The following CHRM2 variants were observed in gnomAD, a reference collection of about 807,000 sequenced individuals.
The protein encoded by CHRM2 is muscarinic acetylcholine receptor M2.
In CHRM2, 8 loss-of-function variants were observed where a neutral mutation model predicts 25.0. The observed-to-expected ratio is 0.32, with a 90% CI of 0.19 to 0.58. The LOEUF is 0.58. CHRM2 is among the 20% of genes least tolerant of loss of function. CHRM2 has a pLI of 0.88. For synonymous variants in CHRM2, 202 were observed against 205.7 expected (o/e 0.98, Z 0.15); for missense variants, 440 against 567.1 (o/e 0.78, Z 2.28).
intron 2 of CHRM2, among the ~76,000 whole-genome samples, chr7:136,895,773 A>C (rs1232854425): frequency 6.6e-6 from 1 of 152,180 alleles, no homozygotes; most frequent in African/African-American, 2.4e-5. Flanking sequence ...CATAGAAAAT[A>C]AGGATTTGAT....
intron 2 of CHRM2, chr7:136,938,173 C>G (rs762223406): frequency 2.1e-5 from 15 of 717,008 alleles, no homozygotes; most frequent in Non-Finnish European, 3.6e-5. Context: ...TCTGCCCACT[C>G]TTCTGGAAGA....
chr7:136,925,240 TATC>T lies in CHRM2; in HGVS notation c.-125+55825_-125+55827del, dbSNP rs548936653. On this transcript the variant is annotated intron_variant, in intron 2 of 3. Coordinates refer to ENST00000680005, the MANE Select transcript of CHRM2 (RefSeq NM_001006630.2). ...ATGAAGGCTATGTTTATGTTGGCCT[TATC>T]ATAGCTATCCAACCGGATGCCAGAT... Among the ~76,000 whole-genome samples, 26 of 152,244 alleles carry T rather than the reference TATC, an allele frequency of 1.7e-4. No homozygotes were observed. The South Asian group carries it at 5.0e-3, about 29-fold the overall frequency.
chr7:136,903,913 T>C (rs139771639), intron 2 of CHRM2, among the ~76,000 whole-genome samples: 1,560 of 151,918 alleles, frequency 0.01, 10 homozygotes, highest in Non-Finnish European at 0.015. Context: ...AATTATCATA[T>C]ATATATATTT....
chr7:137,000,788 T>G (rs1803982739), intron 3 of CHRM2, among the ~76,000 whole-genome samples: 1 of 151,982 alleles, frequency 6.6e-6, no homozygotes, highest in African/African-American at 2.4e-5. Context: ...CAAAAACACC[T>G]GTCACGATTT....
chr7:137,010,346 T>C (rs1337548152), intron 3 of CHRM2, among the ~76,000 whole-genome samples: 2 of 152,096 alleles, frequency 1.3e-5, no homozygotes, highest in East Asian at 3.9e-4. Flanking sequence ...AGTCATAAAC[T>C]AGGCAGTAAA....
intron 2 of CHRM2, among the ~76,000 whole-genome samples, chr7:136,976,589 T>C (rs1306985042): frequency 6.6e-6 from 1 of 152,042 alleles, no homozygotes; most frequent in Non-Finnish European, 1.5e-5. Context: ...CTGCATTGAG[T>C]TTGTTATTTG....
intron 3 of CHRM2, among the ~76,000 whole-genome samples, chr7:137,005,670 GA>G (rs1231365740): frequency 6.6e-6 from 1 of 151,996 alleles, no homozygotes; most frequent in African/African-American, 2.4e-5. Flanking sequence ...ATAGACCATT[GA>G]AAAGGATCCC....
chr7:136,874,400 C>T (rs1159151037), intron 2 of CHRM2, among the ~76,000 whole-genome samples: 1 of 151,698 alleles, frequency 6.6e-6, no homozygotes, highest in Non-Finnish European at 1.5e-5. Flanking sequence ...TATACTATGA[C>T]CTAAATATAC....
At chr7:136,900,250 T>G (rs1797123576) in intron 2 of CHRM2, among the ~76,000 whole-genome samples, 1 of 152,096 alleles carries the variant, frequency 6.6e-6, no homozygotes, top group Admixed American at 6.6e-5. Flanking sequence ...CTGAAGATAC[T>G]AGTGAAAGGA....
chr7:136,895,530 A>T (rs540289670), intron 2 of CHRM2, among the ~76,000 whole-genome samples: 1 of 152,160 alleles, frequency 6.6e-6, no homozygotes, highest in Non-Finnish European at 1.5e-5. Context: ...TGCTGTTTCT[A>T]TGACTCAGTT....
chr7:136,916,517 C>T (rs1050542709), intron 2 of CHRM2, among the ~76,000 whole-genome samples: 2 of 151,430 alleles, frequency 1.3e-5, no homozygotes, highest in Non-Finnish European at 3.0e-5. Context: ...TGTTTCTGTT[C>T]TCGCAAGATT....
Position 137,014,633 on chromosome 7 carries a change from G to C in CHRM2, c.-46-187G>C, listed in dbSNP as rs17168888. Among the ~76,000 whole-genome samples the C allele has an allele frequency of 0.028, 4,324 of 151,954 alleles. 112 individuals are homozygous for C. Among genetic ancestry groups the C allele is most frequent in the Non-Finnish European group, 0.038 (2,601 of 67,900 alleles). ...TTCAAGTTCATTGCCAGCCTGAAAG[G>C]TCCTTTTGAATCCTCCATTTGAAGG... On this transcript the variant is annotated intron_variant, in intron 3 of 3. Transcript: ENST00000680005.
chr7:137,014,971 G>T lies in CHRM2; in HGVS notation c.106G>T (p.Val36Leu), dbSNP rs758540579. The T allele has an allele frequency of 3.1e-6, 5 of 1,613,130 alleles. No homozygotes were observed. The highest frequency in any genetic ancestry group is 4.2e-6 in the Non-Finnish European group (5 of 1,179,546). The stretch of plus-strand genomic sequence containing the variant: ...CCTGGTGGCTGGATCCCTCAGTTTG[G>T]TGACCATTATCGGGAACATCCTAGT... ...IVLVAGSLSL[V>L]TIIGNILVMV... is the part of the protein sequence containing the mutation. The change falls in exon 4 of 4, where the codon GTG becomes TTG. Residue 36 changes from valine to leucine, a missense_variant. By Grantham distance (32) the Val-to-Leu change is conservative. Coordinates refer to ENST00000680005, the MANE Select transcript of CHRM2 (RefSeq NM_001006630.2).
chr7:136,990,219 T>C (rs34908748), intron 2 of CHRM2, among the ~76,000 whole-genome samples: 12,490 of 152,208 alleles, frequency 0.082, 788 homozygotes, highest in Non-Finnish European at 0.11. Context: ...ATTGAACACA[T>C]CATTATCACC....
In CHRM2 at chr7:136,909,230, T is replaced by A. The variant is rs1293294727; in HGVS notation, c.-125+39812T>A. 2.0e-5 allele frequency among the ~76,000 whole-genome samples: 3 copies of A among 151,960 alleles called. No individual in the cohort carries two copies. The East Asian group carries it at 5.8e-4, about 29-fold the overall frequency. ...GGATATTTGTGAGAAATATTTGTGA[T>A]AAACAAAAAGGAGAAGATAATACAT... On this transcript the variant is annotated intron_variant, in intron 2 of 3. Coordinates refer to ENST00000680005, the MANE Select transcript of CHRM2 (RefSeq NM_001006630.2).
At chr7:136,976,852 T>C (rs1802138126) in intron 2 of CHRM2, among the ~76,000 whole-genome samples, 1 of 152,160 alleles carries the variant, frequency 6.6e-6, no homozygotes, top group Non-Finnish European at 1.5e-5. Context: ...CATGGAACAA[T>C]GTCCCCGGTG....
chr7:136,998,539 G>C (rs1803762423), intron 3 of CHRM2, among the ~76,000 whole-genome samples: 1 of 152,178 alleles, frequency 6.6e-6, no homozygotes, highest in Non-Finnish European at 1.5e-5. Flanking sequence ...GACTCTTTTA[G>C]AGATGAAAGA....
At chr7:136,949,057 A>G (rs1260571296) in intron 2 of CHRM2, among the ~76,000 whole-genome samples, 1 of 152,192 alleles carries the variant, frequency 6.6e-6, no homozygotes, top group African/African-American at 2.4e-5. Flanking sequence ...CCAAATATGT[A>G]TCTGTGCTAG....
At position 136,873,837 on chromosome 7, in the gene CHRM2, G is replaced by A. The variant is rs188218665; in HGVS notation, c.-125+4419G>A. On this transcript the variant is annotated intron_variant, in intron 2 of 3. Coordinates refer to ENST00000680005, the MANE Select transcript of CHRM2 (RefSeq NM_001006630.2). ...AAACCTTAAGCAAAGAAGAGGCAGT[G>A]CTGAGTAGGCTCTTAGTTGGCACGT... 2.6e-3 allele frequency among the ~76,000 whole-genome samples: 402 copies of A among 152,344 alleles called. 2 individuals carry two copies. The highest frequency in any genetic ancestry group is 9.2e-3 in the African/African-American group (383 of 41,594).
Sources: allele counts gnomAD v4.1 joint callset (sites outside exome capture counted in the v4.1 genomes callset), GRCh38; gene constraint gnomAD v4.1.1; transcripts MANE v1.5; gene names NCBI Gene and HGNC (gene_info 2026-07-23, HGNC 2026-07-21).